Variants in GRIA3 observed in about 807,000 individuals in gnomAD.
The protein encoded by GRIA3 is glutamate receptor 3.
Under a neutral mutation model 63.0 loss-of-function variants are expected in GRIA3, and 3 were observed. The observed-to-expected ratio is 0.05, with a 90% CI of 0.02 to 0.12. GRIA3 has a LOEUF of 0.12. Among genes scored for constraint, GRIA3 ranks in the 10% least tolerant of loss-of-function variants. The pLI is 1.00. For missense variants in GRIA3, 347 were observed against 700.9 expected, an observed-to-expected ratio of 0.50 and a Z score of 5.70; for synonymous variants, 274 against 257.9, an observed-to-expected ratio of 1.06 and a Z score of -0.60.
Position 123,376,933 on chromosome X carries a change from C to CTTTT in GRIA3, c.751-18019_751-18016dup, listed in dbSNP as rs11310583. On this transcript the variant is annotated intron_variant, in intron 5 of 15. Transcript: ENST00000620443. ...CACTCCCCTCTTCTTTTCATTCACT[C>CTTTT]TTTTTTTTTTTTTTTTTTTGAGGCA... 4.5e-4 allele frequency among the ~76,000 whole-genome samples: 33 copies of CTTTT among 73,793 alleles called. 2 individuals are homozygous for CTTTT. Among genetic ancestry groups the CTTTT allele is most frequent in the Non-Finnish European group, 6.9e-4 (28 of 40,850 alleles). 64.1% of individuals were successfully genotyped at this position (73,793 alleles called of 115,157 possible). A position where few individuals can be genotyped will look rare whatever the true frequency, so the allele number is the denominator to read the frequency against.
intron 3 of GRIA3, among the ~76,000 whole-genome samples, chrX:123,261,947 G>A (rs1016009446): frequency 9.8e-5 from 11 of 111,945 alleles, no homozygotes; most frequent in African/African-American, 3.6e-4. Flanking sequence ...AGCTCCTTGA[G>A]GGAATTAACC....
intron 3 of GRIA3, among the ~76,000 whole-genome samples, chrX:123,314,857 G>C (rs1217743275): frequency 1.8e-5 from 2 of 112,103 alleles, no homozygotes; most frequent in African/African-American, 6.5e-5. Flanking sequence ...AGATATTGGG[G>C]TACCTGTTAG....
Position 123,404,699 on chromosome X carries a change from G to A in GRIA3, c.1294-9G>A. ...GAGTAATCCTTTTATCTTGCTTCTG[G>A]TCCCAAAGGAATCACCATATGTAAT... On this transcript the variant is annotated splice_polypyrimidine_tract_variant and intron_variant, in intron 9 of 15. Coordinates refer to ENST00000620443, the MANE Select transcript of GRIA3 (RefSeq NM_007325.5). The A allele has an allele frequency of 8.6e-7, 1 of 1,159,954 alleles. No homozygotes were observed. Among genetic ancestry groups the A allele is most frequent in the South Asian group, 1.8e-5 (1 of 55,764 alleles).
At chrX:123,215,594 C>T (rs1439239436) in intron 2 of GRIA3, among the ~76,000 whole-genome samples, 1 of 111,357 alleles carries the variant, frequency 9.0e-6, no homozygotes, top group African/African-American at 3.3e-5. Context: ...TGTCGCAATA[C>T]TGAAGTAGCC....
At chrX:123,449,390 C>T (rs920611496) in intron 12 of GRIA3, among the ~76,000 whole-genome samples, 8 of 112,292 alleles carry the variant, frequency 7.1e-5, no homozygotes, top group Non-Finnish European at 1.1e-4. Flanking sequence ...GCCTTGACCC[C>T]AATGGTAAAG....
chrX:123,197,650 A>C (rs1463122018), intron 2 of GRIA3, among the ~76,000 whole-genome samples: 1 of 112,407 alleles, frequency 8.9e-6, no homozygotes, highest in Non-Finnish European at 1.9e-5. Context: ...CTCAAATTCT[A>C]TATCTAGAAA....
intron 4 of GRIA3, 23 bp downstream of exon 4, chrX:123,326,236 C>T (rs772908062): frequency 1.8e-5 from 21 of 1,139,364 alleles, no homozygotes; most frequent in African/African-American, 1.8e-4. Context: ...TTTATTTCAC[C>T]GCCAGCCAAC....
intron 4 of GRIA3, among the ~76,000 whole-genome samples, chrX:123,336,612 T>C (rs1241091637): frequency 9.0e-6 from 1 of 111,269 alleles, no homozygotes; most frequent in Non-Finnish European, 1.9e-5. Context: ...CTATTACATA[T>C]ATATATTTAG....
chrX:123,355,050 C>A, intron 5 of GRIA3, 87 bp downstream of exon 5: 1 of 678,622 alleles, frequency 1.5e-6, no homozygotes, highest in Middle Eastern at 3.0e-4. Context: ...ACATCAAGTA[C>A]CTAATGCTTT....
intron 3 of GRIA3, among the ~76,000 whole-genome samples, chrX:123,266,198 C>T (rs1209772529): frequency 8.9e-6 from 1 of 112,211 alleles, no homozygotes; most frequent in African/African-American, 3.2e-5. Flanking sequence ...CAAAACCCTT[C>T]TCTATGCAAA....
intron 12 of GRIA3, among the ~76,000 whole-genome samples, chrX:123,439,868 T>C (rs1416894782): frequency 9.0e-6 from 1 of 111,182 alleles, no homozygotes; most frequent in Non-Finnish European, 1.9e-5. Context: ...AAGGGGTTTG[T>C]TGTATAGATT....
At chrX:123,395,440 G>A (rs1016898359) in intron 6 of GRIA3, among the ~76,000 whole-genome samples, 1 of 111,934 alleles carries the variant, frequency 8.9e-6, no homozygotes, top group African/African-American at 3.3e-5. Context: ...CAAAGGGTGG[G>A]GGCAGTGGGA....
At chrX:123,253,659 T>C in intron 3 of GRIA3, 117 bp downstream of exon 3, 2 of 599,408 alleles carry the variant, frequency 3.3e-6, no homozygotes, top group Non-Finnish European at 5.3e-6. Flanking sequence ...TAAAATTGTA[T>C]TTAATATTCC....
At chrX:123,423,545 G>A (rs1027460836) in intron 11 of GRIA3, among the ~76,000 whole-genome samples, 4 of 112,147 alleles carry the variant, frequency 3.6e-5, no homozygotes, top group Admixed American at 2.8e-4. Flanking sequence ...GCTAAAAGCT[G>A]TAGTTTTCAG....
intron 12 of GRIA3, among the ~76,000 whole-genome samples, chrX:123,459,316 T>C (rs10482493): frequency 0.11 from 12,295 of 111,496 alleles, 1,245 homozygotes; most frequent in African/African-American, 0.32. Context: ...ATATGCACAA[T>C]GACTAGGAGT....
intron 3 of GRIA3, among the ~76,000 whole-genome samples, chrX:123,264,489 A>G (rs1215846080): frequency 1.8e-5 from 2 of 111,353 alleles, no homozygotes; most frequent in African/African-American, 3.3e-5. Flanking sequence ...GAAAAGTTAC[A>G]AAAAGCAGGA....
At chrX:123,442,582 T>C (rs895258052) in intron 12 of GRIA3, among the ~76,000 whole-genome samples, 6 of 111,591 alleles carry the variant, frequency 5.4e-5, no homozygotes, top group African/African-American at 2.0e-4. Context: ...ATCAGAGATG[T>C]TGAATAGAGG....
At chrX:123,196,825 G>A (rs1927588135) in intron 2 of GRIA3, among the ~76,000 whole-genome samples, 1 of 111,922 alleles carries the variant, frequency 8.9e-6, no homozygotes, top group African/African-American at 3.3e-5. Context: ...TGAGGTGATT[G>A]TTACAATCAC....
intron 2 of GRIA3, among the ~76,000 whole-genome samples, chrX:123,215,581 C>T (rs1928138578): frequency 9.0e-6 from 1 of 111,186 alleles, no homozygotes; most frequent in South Asian, 3.9e-4. Flanking sequence ...TAATGAACCC[C>T]TATGTCGCAA....
Sources: allele counts gnomAD v4.1 joint callset (sites outside exome capture counted in the v4.1 genomes callset), GRCh38; gene constraint gnomAD v4.1.1; transcripts MANE v1.5; gene names NCBI Gene and HGNC (gene_info 2026-07-23, HGNC 2026-07-21).